TNRC6A: variants seen among roughly 807,000 people sequenced by gnomAD.
TNRC6A encodes trinucleotide repeat containing adaptor 6A, also known as trinucleotide repeat-containing gene 6A protein.
In TNRC6A, 44 loss-of-function variants were observed where a neutral mutation model predicts 221.2. The observed-to-expected ratio is 0.20, with a 90% confidence interval of 0.16 to 0.26. The LOEUF is 0.26. Among genes scored for constraint, TNRC6A ranks in the 10% least tolerant of loss-of-function variants. The pLI, the probability that TNRC6A is intolerant of heterozygous loss-of-function variation, is 1.00. For synonymous variants in TNRC6A, 847 were observed against 838.5 expected (o/e 1.01, Z -0.18); for missense variants, 2,199 against 2,404.4 (o/e 0.91, Z 1.79).
chr16:24,748,039 A>G (rs1017387634), intron 2 of TNRC6A, among the ~76,000 whole-genome samples: 9 of 152,186 alleles, frequency 5.9e-5, no homozygotes, highest in Non-Finnish European at 1.3e-4. Flanking sequence ...ATTTTGACAC[A>G]AGAAGGGTAA....
At chr16:24,669,857 G>A (rs572549193) in intron 2 of TNRC6A, among the ~76,000 whole-genome samples, 4 of 150,242 alleles carry the variant, frequency 2.7e-5, no homozygotes, top group Non-Finnish European at 3.0e-5. Flanking sequence ...CCATTTACTG[G>A]GTTCATTATA....
intron 3 of TNRC6A, among the ~76,000 whole-genome samples, chr16:24,755,817 A>G (rs1472113820): frequency 2.0e-5 from 3 of 152,192 alleles, no homozygotes; most frequent in African/African-American, 7.2e-5. Flanking sequence ...TTAAAGAATA[A>G]TGTATTAAAA....
intron 2 of TNRC6A, among the ~76,000 whole-genome samples, chr16:24,703,041 A>AAAATAAAATAAAATAAAATAAAAT: frequency 1.1e-4 from 1 of 9,094 alleles, no homozygotes; most frequent in East Asian, 0.015. Flanking sequence ...TGTCAAAAAT[A>AAAATAAAATAAAATAAAATAAAAT]AAATAAAATA....
intron 2 of TNRC6A, among the ~76,000 whole-genome samples, chr16:24,736,915 C>T (rs2056781612): frequency 6.6e-6 from 1 of 152,204 alleles, no homozygotes. Context: ...CCAAAGGTAG[C>T]TCCCTTACTG....
At chr16:24,744,054 C>G (rs1176019655) in intron 2 of TNRC6A, among the ~76,000 whole-genome samples, 2 of 152,202 alleles carry the variant, frequency 1.3e-5, no homozygotes, top group East Asian at 1.9e-4. Context: ...AGTTTCTGCT[C>G]TTCAGGACCT....
chr16:24,699,641 G>C (rs1286572628), intron 2 of TNRC6A, among the ~76,000 whole-genome samples: 2 of 150,744 alleles, frequency 1.3e-5, no homozygotes, highest in South Asian at 2.1e-4. Flanking sequence ...ATCGCCTAAG[G>C]TTAGGATTCC....
chr16:24,647,195 G>T (rs755369895), intron 2 of TNRC6A, among the ~76,000 whole-genome samples: 1 of 152,168 alleles, frequency 6.6e-6, no homozygotes, highest in Non-Finnish European at 1.5e-5. Flanking sequence ...GCCTCCCAAA[G>T]TGCTGGGATT....
intron 4 of TNRC6A, among the ~76,000 whole-genome samples, chr16:24,761,118 A>G (rs2032710582): frequency 6.6e-6 from 1 of 152,200 alleles, no homozygotes; most frequent in South Asian, 2.1e-4. Flanking sequence ...TCTGTGTTGT[A>G]GAGTCTGTGT....
intron 1 of TNRC6A, among the ~76,000 whole-genome samples, chr16:24,620,254 A>G (rs1352568258): frequency 1.3e-5 from 2 of 152,166 alleles, no homozygotes; most frequent in Non-Finnish European, 2.9e-5. Flanking sequence ...CAATTTCCCT[A>G]TCTATAAATT....
In TNRC6A at chr16:24,823,425, C is replaced by T; in HGVS notation, c.5514-7C>T. On this transcript the variant is annotated splice_region_variant and splice_polypyrimidine_tract_variant and intron_variant, in intron 24 of 24. Coordinates refer to ENST00000395799, the MANE Select transcript of TNRC6A (RefSeq NM_014494.4). This position sits in a 1 kb window ranked among gnomAD's most constrained non-coding sequence, Gnocchi z 4.3. The stretch of plus-strand genomic sequence containing the variant: ...CCTCACGTGTCCGCGGTGCCTCTCT[C>T]CTCTAGGTGTGTACTGGGGAACACT... 6.2e-7 allele frequency: 1 copy of T among 1,606,700 alleles called. No individual in the cohort carries two copies. Among genetic ancestry groups the T allele is most frequent in the Non-Finnish European group, 8.5e-7 (1 of 1,175,604 alleles).
intron 1 of TNRC6A, 26 bp from the exon 2 acceptor site, chr16:24,730,221 GTTTTGT>G (rs771142952): frequency 1.1e-4 from 166 of 1,572,160 alleles, no homozygotes; most frequent in East Asian, 2.1e-4. Flanking sequence ...GTGTGTTTTT[GTTTTGT>G]TTTTGTTTTT....
At chr16:24,665,510 A>G (rs754773845) in intron 2 of TNRC6A, among the ~76,000 whole-genome samples, 3 of 152,212 alleles carry the variant, frequency 2.0e-5, no homozygotes, top group Non-Finnish European at 4.4e-5. Context: ...CCACTGCTCC[A>G]AGGTGTTTTC....
chr16:24,686,320 C>T (rs2055625030), intron 2 of TNRC6A, among the ~76,000 whole-genome samples: 1 of 152,138 alleles, frequency 6.6e-6, no homozygotes, highest in African/African-American at 2.4e-5. Context: ...CCCATGTCAC[C>T]AGAGCCTTTG....
intron 5 of TNRC6A, among the ~76,000 whole-genome samples, chr16:24,784,713 T>C (rs1218170003): frequency 1.3e-5 from 2 of 152,222 alleles, no homozygotes; most frequent in Non-Finnish European, 2.9e-5. Context: ...ATCTTTAGGT[T>C]TTGATCAAGT....
intron 1 of TNRC6A, among the ~76,000 whole-genome samples, chr16:24,630,356 T>C (rs567112973): frequency 1.2e-3 from 187 of 152,120 alleles, no homozygotes; most frequent in African/African-American, 4.3e-3. Flanking sequence ...CATCTGGAAG[T>C]GCTATCTTTA....
chr16:24,781,791 A>G (rs1427753475), intron 5 of TNRC6A, among the ~76,000 whole-genome samples: 1 of 151,548 alleles, frequency 6.6e-6, no homozygotes, highest in Non-Finnish European at 1.5e-5. Context: ...TATGTCTCAC[A>G]GGCCAGTGGG....
At chr16:24,709,652 C>A (rs7194930) in intron 2 of TNRC6A, among the ~76,000 whole-genome samples, 2 of 151,242 alleles carry the variant, frequency 1.3e-5, no homozygotes, top group African/African-American at 4.9e-5. Flanking sequence ...TAGAAAGACC[C>A]CATCTCTACC....
chr16:24,670,354 C>T (rs552312784), intron 2 of TNRC6A, among the ~76,000 whole-genome samples: 1 of 152,200 alleles, frequency 6.6e-6, no homozygotes, highest in African/African-American at 2.4e-5. Context: ...AGCTGGGAGT[C>T]TAAGGTCAGT....
At chr16:24,714,212 T>C (rs547933848) in intron 2 of TNRC6A, among the ~76,000 whole-genome samples, 23 of 152,236 alleles carry the variant, frequency 1.5e-4, no homozygotes, top group Non-Finnish European at 3.2e-4. Flanking sequence ...TGGGGCTTTT[T>C]TTCCTGTCTT....
Sources: gnomAD v4.1 joint callset for allele counts (sites outside exome capture counted in the v4.1 genomes callset) on GRCh38, gnomAD v4.1.1 for gene constraint, Gnocchi (gnomAD v3.1) non-coding constraint, MANE v1.5 for transcripts, NCBI Gene and HGNC (gene_info 2026-07-23, HGNC 2026-07-21) for gene names.